Variants in DPH6 observed in about 807,000 individuals in gnomAD.
DPH6 encodes the protein diphthamine biosynthesis 6.
In DPH6, 33 loss-of-function variants were observed where a neutral mutation model predicts 38.2. The observed-to-expected ratio is 0.86, with a 90% CI of 0.65 to 1.15. The LOEUF is 1.15. Ranked by LOEUF, DPH6 falls within the 50% of genes most tolerant of loss-of-function variation. The probability of loss-of-function intolerance (pLI) is 0.00; values close to 1 mark genes in which losing one functional copy is unlikely to be tolerated. For missense variants in DPH6, 325 were observed against 320.0 expected, an observed-to-expected ratio of 1.02 and a Z score of -0.12; for synonymous variants, 108 against 103.0, an observed-to-expected ratio of 1.05 and a Z score of -0.30.
chr15:35,543,020 TAA>T (rs796955271), intron 1 of DPH6, among the ~76,000 whole-genome samples: 1 of 91,676 alleles, frequency 1.1e-5, no homozygotes. Context: ...TATGAGAAAG[TAA>T]AAAAAAAAAC....
At chr15:35,355,869 T>C (rs2052555258) in intron 3 of DPH6, among the ~76,000 whole-genome samples, 1 of 152,232 alleles carries the variant, frequency 6.6e-6, no homozygotes, top group African/African-American at 2.4e-5. Context: ...GATAATATCC[T>C]GCAGAGTGTT....
intron 3 of DPH6, among the ~76,000 whole-genome samples, chr15:35,306,235 T>C (rs2052089696): frequency 6.6e-6 from 1 of 152,244 alleles, no homozygotes; most frequent in South Asian, 2.1e-4. Flanking sequence ...GAAGTGAGCT[T>C]AAAGTTTATA....
chr15:35,150,432 T>C, the DPH6 span, among the ~76,000 whole-genome samples: 9 of 152,278 alleles, frequency 5.9e-5, no homozygotes, highest in African/African-American at 2.2e-4. Flanking sequence ...TCTCATTTGG[T>C]TTCCAAACAG....
chr15:35,379,921 T>C (rs1330591956), intron 7 of DPH6, among the ~76,000 whole-genome samples: 1 of 151,640 alleles, frequency 6.6e-6, no homozygotes, highest in Non-Finnish European at 1.5e-5. Context: ...TTTAGCAAAG[T>C]GGTCAGAAAT....
the DPH6 span, among the ~76,000 whole-genome samples, chr15:35,162,712 CA>C: frequency 1.3e-5 from 2 of 151,836 alleles, no homozygotes; most frequent in African/African-American, 4.8e-5. Flanking sequence ...TCCATGAAGA[CA>C]AGATGTTTGT....
chr15:35,530,641 T>C lies in DPH6; in HGVS notation c.312+7633A>G, dbSNP rs182578970. Reference sequence around the variant, plus strand: ...CAAGGTTGAAGAGACAGAATGATGATTTTGCCAAAATGAGGGAGTCACATT... The same window carrying C: ...CAAGGTTGAAGAGACAGAATGATGACTTTGCCAAAATGAGGGAGTCACATT... On this transcript the variant is annotated intron_variant, in intron 3 of 8. Coordinates refer to ENST00000256538, the MANE Select transcript of DPH6 (RefSeq NM_080650.4). 2.6e-5 allele frequency among the ~76,000 whole-genome samples: 4 copies of C among 152,318 alleles called. No homozygotes were observed. In the East Asian group the frequency reaches 7.7e-4, roughly 29 times the overall value.
intron 3 of DPH6, among the ~76,000 whole-genome samples, chr15:35,493,526 G>C (rs1481511537): frequency 6.6e-6 from 1 of 152,152 alleles, no homozygotes; most frequent in Non-Finnish European, 1.5e-5. Context: ...AGATGAGGAA[G>C]TAGAATGGGA....
At chr15:35,252,476 T>C (rs1262507793) in intron 3 of DPH6, among the ~76,000 whole-genome samples, 1 of 152,234 alleles carries the variant, frequency 6.6e-6, no homozygotes, top group East Asian at 1.9e-4. Flanking sequence ...CAATGTGAAC[T>C]GCCATTAAGG....
chr15:35,251,640 C>T (rs1490223961), intron 3 of DPH6, among the ~76,000 whole-genome samples: 1 of 152,226 alleles, frequency 6.6e-6, no homozygotes, highest in South Asian at 2.1e-4. Flanking sequence ...ACGCTAGTCT[C>T]TCACCACTTT....
At chr15:35,419,953 C>T (rs1212360938) in intron 5 of DPH6, among the ~76,000 whole-genome samples, 1 of 152,142 alleles carries the variant, frequency 6.6e-6, no homozygotes, top group African/African-American at 2.4e-5. Flanking sequence ...TAGATATTTA[C>T]AGAACATTCC....
intron 3 of DPH6, among the ~76,000 whole-genome samples, chr15:35,343,998 C>G (rs1481112): frequency 0.031 from 4,753 of 152,028 alleles, 259 homozygotes; most frequent in African/African-American, 0.11. Flanking sequence ...TAGGTTTTCT[C>G]TGGATAAGCA....
At chr15:35,432,139 A>T (rs1248200136) in intron 5 of DPH6, among the ~76,000 whole-genome samples, 1 of 152,214 alleles carries the variant, frequency 6.6e-6, no homozygotes, top group Non-Finnish European at 1.5e-5. Context: ...AGGTGGATGA[A>T]GAAAATATGG....
At chr15:35,225,110 T>C (rs1196927932) in intron 3 of DPH6, among the ~76,000 whole-genome samples, 3 of 152,232 alleles carry the variant, frequency 2.0e-5, no homozygotes, top group Non-Finnish European at 2.9e-5. Context: ...TCTTTCTTCA[T>C]TTTCCATTAC....
chr15:35,519,012 T>C (rs1292558578), intron 3 of DPH6: 2 of 151,950 alleles, frequency 1.3e-5, no homozygotes, highest in Admixed American at 6.6e-5. Context: ...GATCTTTTTA[T>C]TAAAACACTT....
intron 6 of DPH6, among the ~76,000 whole-genome samples, chr15:35,404,738 T>A (rs1464588731): frequency 6.6e-6 from 1 of 152,128 alleles, no homozygotes; most frequent in Non-Finnish European, 1.5e-5. Context: ...TGCAATCCCA[T>A]CTGTCCACTA....
At chr15:35,523,242 T>C (rs2054948922) in intron 3 of DPH6, among the ~76,000 whole-genome samples, 2 of 2,588 alleles carry the variant, frequency 7.7e-4, no homozygotes, top group Non-Finnish European at 1.2e-3. Flanking sequence ...TACACATTCT[T>C]TTTTTTTTTT....
At chr15:35,516,120 C>T (rs181547549) in intron 3 of DPH6, among the ~76,000 whole-genome samples, 1 of 152,276 alleles carries the variant, frequency 6.6e-6, no homozygotes. Flanking sequence ...ACTGCCAAAG[C>T]AGCTGATACA....
chr15:35,403,802 C>T (rs1054492953), intron 6 of DPH6, among the ~76,000 whole-genome samples: 1 of 151,816 alleles, frequency 6.6e-6, no homozygotes, highest in African/African-American at 2.4e-5. Flanking sequence ...AGCCATCCTG[C>T]TCAGCTTATT....
At chr15:35,168,926 A>G in the DPH6 span, among the ~76,000 whole-genome samples, 2 of 152,052 alleles carry the variant, frequency 1.3e-5, no homozygotes, top group Non-Finnish European at 2.9e-5. Flanking sequence ...TCTATTAGAG[A>G]ATGTCCAGTT....
Sources: allele counts gnomAD v4.1 joint callset (sites outside exome capture counted in the v4.1 genomes callset), GRCh38; gene constraint gnomAD v4.1.1; transcripts MANE v1.5; gene names NCBI Gene and HGNC (gene_info 2026-07-23, HGNC 2026-07-21).